The following CNTLN variants were observed in gnomAD, a reference collection of about 807,000 sequenced individuals.
CNTLN encodes centlein, also known as centlein, centrosomal protein.
In CNTLN, 212 loss-of-function variants were observed where a neutral mutation model predicts 180.0. The observed-to-expected ratio is 1.18, with a 90% CI of 1.05 to 1.32. The LOEUF is 1.32. Ranked by LOEUF, CNTLN falls within the 40% of genes most tolerant of loss-of-function variation. The probability of loss-of-function intolerance (pLI) is 0.00; values close to 1 mark genes in which losing one functional copy is unlikely to be tolerated. For synonymous variants in CNTLN, 722 were observed against 563.1 expected (o/e 1.28, Z -3.99); for missense variants, 2,095 against 1,610.9 (o/e 1.30, Z -5.14).
intron 15 of CNTLN, among the ~76,000 whole-genome samples, chr9:17,399,435 T>C (rs1455136926): frequency 6.6e-6 from 1 of 152,262 alleles, no homozygotes; most frequent in African/African-American, 2.4e-5. Flanking sequence ...GTATTTAGCC[T>C]GTCTGACTTC....
intron 3 of CNTLN, among the ~76,000 whole-genome samples, chr9:17,228,474 T>C (rs1313846708): frequency 6.6e-6 from 1 of 152,112 alleles, no homozygotes; most frequent in Non-Finnish European, 1.5e-5. Context: ...AACAAGATAA[T>C]GTATTAAATG....
At chr9:17,356,159 A>G (rs143364378) in intron 12 of CNTLN, among the ~76,000 whole-genome samples, 1,853 of 152,224 alleles carry the variant, frequency 0.012, 47 homozygotes, top group African/African-American at 0.042. Context: ...AAGGTCAGAG[A>G]TAATAGTTTA....
chr9:17,466,130 A>G lies in CNTLN; in HGVS notation c.3669+12A>G, dbSNP rs1831733287. On this transcript the variant is annotated intron_variant, in intron 22 of 25. Coordinates refer to ENST00000380647, the MANE Select transcript of CNTLN (RefSeq NM_017738.4). ...AGTTAGAAAAAAAGGTATGCTTTTAAAAAGGGCATTTTAGATTACAGATGG... is the reference window on the plus strand; with the variant it reads ...AGTTAGAAAAAAAGGTATGCTTTTAGAAAGGGCATTTTAGATTACAGATGG... The G allele has an allele frequency of 6.3e-7, 1 of 1,590,916 alleles. No homozygotes were observed. Among genetic ancestry groups the G allele is most frequent in the Non-Finnish European group, 8.6e-7 (1 of 1,164,758 alleles).
At chr9:17,253,467 G>A (rs1186945720) in intron 5 of CNTLN, among the ~76,000 whole-genome samples, 1 of 151,278 alleles carries the variant, frequency 6.6e-6, no homozygotes, top group Non-Finnish European at 1.5e-5. Flanking sequence ...TTGTTTTGTA[G>A]AGATCTTAAC....
intron 3 of CNTLN, among the ~76,000 whole-genome samples, chr9:17,227,525 T>C (rs1824549216): frequency 6.6e-6 from 1 of 152,038 alleles, no homozygotes; most frequent in South Asian, 2.1e-4. Flanking sequence ...AAATAAATTA[T>C]AATTTTTCTT....
chr9:17,141,413 T>C (rs1818082438), intron 1 of CNTLN, among the ~76,000 whole-genome samples: 1 of 152,158 alleles, frequency 6.6e-6, no homozygotes, highest in Admixed American at 6.5e-5. Flanking sequence ...GAGGGAATAC[T>C]CTATGTGAAA....
chr9:17,393,708 C>T (rs1025022997), intron 14 of CNTLN, among the ~76,000 whole-genome samples: 2 of 152,122 alleles, frequency 1.3e-5, no homozygotes, highest in African/African-American at 4.8e-5. Context: ...ATGTACTTTA[C>T]AAACAATAAC....
intron 23 of CNTLN, among the ~76,000 whole-genome samples, chr9:17,478,901 G>A (rs1000546131): frequency 2.6e-5 from 4 of 152,032 alleles, no homozygotes; most frequent in Non-Finnish European, 4.4e-5. Flanking sequence ...ATAGGTTAAG[G>A]ACTTTAATAC....
chr9:17,508,246 C>G (rs886698560), downstream of CNTLN, among the ~76,000 whole-genome samples: 3 of 152,114 alleles, frequency 2.0e-5, no homozygotes, highest in African/African-American at 7.2e-5. Context: ...TTTTATATGA[C>G]ATTTTATTTC....
At chr9:17,272,012 C>CCCCT (rs545504259) in intron 5 of CNTLN, among the ~76,000 whole-genome samples, 17 of 146,934 alleles carry the variant, frequency 1.2e-4, no homozygotes, top group African/African-American at 1.8e-4. Flanking sequence ...AGGATAGTGT[C>CCCCT]CCCTCCCTCC....
At chr9:17,504,668 G>T (rs2134441404), downstream of CNTLN, among the ~76,000 whole-genome samples, 1 of 152,276 alleles carries the variant, frequency 6.6e-6, no homozygotes, top group African/African-American at 2.4e-5. Context: ...CAGAGAGAGA[G>T]AATAATGTTA....
intron 7 of CNTLN, chr9:17,299,470 G>T (rs1337878805): frequency 6.6e-5 from 65 of 981,604 alleles, no homozygotes; most frequent in Non-Finnish European, 7.6e-5. Context: ...AAATCACTGT[G>T]AAAATCGAAT....
chr9:17,259,303 C>A (rs570672831), intron 5 of CNTLN, among the ~76,000 whole-genome samples: 2 of 142,688 alleles, frequency 1.4e-5, no homozygotes, highest in South Asian at 5.0e-4. Flanking sequence ...ATTGAACCAG[C>A]CTTGCATCCC....
chr9:17,414,571 A>C (rs910395179), intron 16 of CNTLN, among the ~76,000 whole-genome samples: 2 of 152,204 alleles, frequency 1.3e-5, no homozygotes, highest in African/African-American at 4.8e-5. Flanking sequence ...TAAATGAAGC[A>C]TTTCAAAAAT....
At chr9:17,322,253 A>C (rs1352822738) in intron 8 of CNTLN, among the ~76,000 whole-genome samples, 1 of 152,146 alleles carries the variant, frequency 6.6e-6, no homozygotes, top group African/African-American at 2.4e-5. Context: ...TATGATTTTT[A>C]GCCTTAATAA....
At chr9:17,198,658 G>A (rs553865214) in intron 2 of CNTLN, among the ~76,000 whole-genome samples, 1 of 150,396 alleles carries the variant, frequency 6.6e-6, no homozygotes, top group Non-Finnish European at 1.5e-5. Flanking sequence ...TGTTACATAG[G>A]TATACATGTC....
At chr9:17,241,371 T>C (rs903913425) in intron 5 of CNTLN, among the ~76,000 whole-genome samples, 9 of 152,216 alleles carry the variant, frequency 5.9e-5, no homozygotes, top group African/African-American at 2.2e-4. Flanking sequence ...ACTGTAGATG[T>C]ATCACTATAT....
rs146805256 is a variant in CNTLN at position 17,153,407 on chromosome 9, G to A, written c.449+10031G>A. The stretch of plus-strand genomic sequence containing the variant: ...CTGTAAAGGACTTTATTTCTCATTC[G>A]CTTATGAAGCTTATTTTGGATGGAT... On this transcript the variant is annotated intron_variant, in intron 2 of 25. Coordinates refer to ENST00000380647, the MANE Select transcript of CNTLN (RefSeq NM_017738.4). Among the ~76,000 whole-genome samples the A allele has an allele frequency of 1.2e-4, 18 of 152,216 alleles. No homozygotes were observed. The East Asian group carries it at 2.5e-3, about 21-fold the overall frequency.
At chr9:17,400,416 C>T (rs754358300) in intron 15 of CNTLN, among the ~76,000 whole-genome samples, 1 of 152,146 alleles carries the variant, frequency 6.6e-6, no homozygotes, top group African/African-American at 2.4e-5. Flanking sequence ...GGATTACAGG[C>T]GTGAGCCACT....
Sources: gnomAD v4.1 joint callset for allele counts (sites outside exome capture counted in the v4.1 genomes callset) on GRCh38, gnomAD v4.1.1 for gene constraint, MANE v1.5 for transcripts, NCBI Gene and HGNC (gene_info 2026-07-23, HGNC 2026-07-21) for gene names.